Variants in PLCB1 observed in about 807,000 individuals in gnomAD.
The protein encoded by PLCB1 is 1-phosphatidylinositol 4,5-bisphosphate phosphodiesterase beta-1.
A neutral mutation model predicts 161.8 loss-of-function variants in PLCB1; 46 were observed. That is an observed-to-expected ratio of 0.28 (90% CI 0.22 to 0.36). The LOEUF (loss-of-function observed/expected upper bound fraction) is 0.36, where lower values mean the gene tolerates loss of function less well. Among genes scored for constraint, PLCB1 ranks in the 10% least tolerant of loss-of-function variants. The pLI is 1.00. For synonymous variants in PLCB1, 517 were observed against 503.7 expected (o/e 1.03, Z -0.35); for missense variants, 1,016 against 1,472.5 (o/e 0.69, Z 5.07).
chr20:8,244,861 C>G (rs1347954740), intron 2 of PLCB1, among the ~76,000 whole-genome samples: 2 of 151,546 alleles, frequency 1.3e-5, no homozygotes, highest in East Asian at 3.9e-4. Context: ...GGAGATGATG[C>G]AATGGAAGTA....
chr20:8,533,829 A>C (rs1433888409), intron 3 of PLCB1, among the ~76,000 whole-genome samples: 1 of 151,880 alleles, frequency 6.6e-6, no homozygotes, highest in Non-Finnish European at 1.5e-5. Flanking sequence ...GTTCACTCTG[A>C]TGGTAGTTTC....
chr20:8,450,086 G>A (rs987697813), intron 3 of PLCB1, among the ~76,000 whole-genome samples: 2 of 152,132 alleles, frequency 1.3e-5, no homozygotes, highest in Admixed American at 6.5e-5. Flanking sequence ...GCATGACCCC[G>A]TTGAAGTCTT....
intron 21 of PLCB1, among the ~76,000 whole-genome samples, chr20:8,739,888 G>T (rs1175855785): frequency 2.6e-5 from 4 of 152,210 alleles, no homozygotes; most frequent in African/African-American, 9.7e-5. Flanking sequence ...GTCAAGGCTG[G>T]GCATGGTGGC....
intron 2 of PLCB1, among the ~76,000 whole-genome samples, chr20:8,266,008 C>A (rs1457473222): frequency 1.3e-5 from 2 of 152,140 alleles, no homozygotes; most frequent in Admixed American, 6.5e-5. Flanking sequence ...GAATCCCTTA[C>A]TTTATTTAGT....
chr20:8,775,328 G>T (rs988251284), intron 27 of PLCB1, among the ~76,000 whole-genome samples: 4 of 151,748 alleles, frequency 2.6e-5, no homozygotes, highest in African/African-American at 7.3e-5. Flanking sequence ...TACATAGTAG[G>T]GACACAATAA....
chr20:8,201,065 C>G (rs893650595), intron 2 of PLCB1, among the ~76,000 whole-genome samples: 7 of 152,038 alleles, frequency 4.6e-5, no homozygotes, highest in Non-Finnish European at 1.0e-4. Flanking sequence ...GGCAGGCCCA[C>G]CTAGGATTAT....
In PLCB1 at chr20:8,132,580, C is replaced by T. The variant is rs1001754546; in HGVS notation, c.-72C>T. 1 of 982,582 alleles carries T rather than the reference C, an allele frequency of 1.0e-6. No homozygotes were observed. The highest frequency in any genetic ancestry group is 1.4e-6 in the Non-Finnish European group (1 of 707,576). The allele number at this position is 982,582 out of a possible 1,614,324, so 60.9% of individuals were successfully genotyped here. A position where few individuals can be genotyped will look rare whatever the true frequency, so the allele number is the denominator to read the frequency against. ...CAGAGAAAGGAGCCCGCGCCCCGCG[C>T]CCCGCGCCCCGCGCACGGTCCCCAG... is the stretch of plus-strand genomic sequence containing the variant. On this transcript the variant is annotated 5_prime_UTR_variant, in exon 1 of 32. Transcript: ENST00000338037. The surrounding 1 kb of genome is among the most constrained non-coding windows in gnomAD (Gnocchi z 5.2).
intron 2 of PLCB1, among the ~76,000 whole-genome samples, chr20:8,312,264 G>T (rs57784054): frequency 1.3e-5 from 2 of 151,910 alleles, no homozygotes; most frequent in Non-Finnish European, 2.9e-5. Context: ...TCTCAAGCGC[G>T]CATACAATTC....
intron 15 of PLCB1, among the ~76,000 whole-genome samples, chr20:8,722,965 G>T (rs1215321391): frequency 1.3e-5 from 2 of 152,164 alleles, no homozygotes; most frequent in Non-Finnish European, 2.9e-5. Context: ...GCTGCAGTGA[G>T]CTATGATCAC....
chr20:8,779,687 A>G (rs916602744), intron 27 of PLCB1, among the ~76,000 whole-genome samples: 3 of 152,174 alleles, frequency 2.0e-5, no homozygotes, highest in East Asian at 3.8e-4. Context: ...TTGCATTTTA[A>G]TAGGATTCCC....
chr20:8,177,146 C>T (rs1246204487), intron 2 of PLCB1, among the ~76,000 whole-genome samples: 1 of 152,034 alleles, frequency 6.6e-6, no homozygotes, highest in Non-Finnish European at 1.5e-5. Context: ...AACCTAACCC[C>T]CACAGTGATA....
At chr20:8,573,575 C>G (rs1986590348) in intron 3 of PLCB1, among the ~76,000 whole-genome samples, 1 of 152,210 alleles carries the variant, frequency 6.6e-6, no homozygotes, top group South Asian at 2.1e-4. Flanking sequence ...TCAACAGGGA[C>G]AAGAGGTCCC....
intron 31 of PLCB1, among the ~76,000 whole-genome samples, chr20:8,805,274 A>G (rs1043252333): frequency 6.6e-6 from 1 of 152,184 alleles, no homozygotes; most frequent in African/African-American, 2.4e-5. Context: ...ATAGCTACAA[A>G]TCACTGTAGA....
intron 4 of PLCB1, among the ~76,000 whole-genome samples, chr20:8,630,897 A>C (rs1390405376): frequency 2.0e-5 from 3 of 152,180 alleles, no homozygotes; most frequent in African/African-American, 7.2e-5. Context: ...ACTAGCCACT[A>C]ATTTTCCTTA....
At chr20:8,536,836 A>C (rs2033022731) in intron 3 of PLCB1, among the ~76,000 whole-genome samples, 1 of 152,174 alleles carries the variant, frequency 6.6e-6, no homozygotes, top group African/African-American at 2.4e-5. Flanking sequence ...CCTTTGCTGC[A>C]TGGGGGAATA....
At chr20:8,691,757 A>G (rs773073439) in intron 10 of PLCB1, among the ~76,000 whole-genome samples, 38 of 152,206 alleles carry the variant, frequency 2.5e-4, no homozygotes, top group Non-Finnish European at 4.4e-4. Context: ...CCTTTGTTGA[A>G]TATCAAGATG....
intron 31 of PLCB1, among the ~76,000 whole-genome samples, chr20:8,806,832 G>A (rs1199072255): frequency 2.6e-5 from 4 of 152,284 alleles, no homozygotes; most frequent in East Asian, 1.9e-4. Context: ...AAACGTCTCC[G>A]TTTAGATTGT....
intron 3 of PLCB1, among the ~76,000 whole-genome samples, chr20:8,486,481 A>AT (rs71183092): frequency 0.27 from 22,983 of 85,242 alleles, 4,271 homozygotes; most frequent in South Asian, 0.38. Flanking sequence ...ATTCCAAAAT[A>AT]TTTTTTTTTT....
chr20:8,421,897 C>T (rs1488896186), intron 3 of PLCB1, among the ~76,000 whole-genome samples: 1 of 152,200 alleles, frequency 6.6e-6, no homozygotes, highest in Non-Finnish European at 1.5e-5. Context: ...TTGAGAAGCA[C>T]AGGCTCAGTA....
Sources: allele counts gnomAD v4.1 joint callset (sites outside exome capture counted in the v4.1 genomes callset), GRCh38; gene constraint gnomAD v4.1.1; non-coding constraint Gnocchi (gnomAD v3.1); transcripts MANE v1.5; gene names NCBI Gene and HGNC (gene_info 2026-07-23, HGNC 2026-07-21).